Variants in FREM2 observed in about 807,000 individuals in gnomAD.
FREM2 encodes the protein FRAS1-related extracellular matrix protein 2.
FREM2 carries 119 observed loss-of-function variants against 219.9 expected under a neutral mutation model. The ratio of observed to expected loss-of-function variants is 0.54; its 90% confidence interval spans 0.47 to 0.63. FREM2 has a LOEUF of 0.63. Ranked by LOEUF, FREM2 falls within the 30% of genes least tolerant of loss-of-function variation. The probability of loss-of-function intolerance (pLI) is 0.00; values close to 1 mark genes in which losing one functional copy is unlikely to be tolerated. For missense variants in FREM2, 4,030 were observed against 3,993.6 expected (o/e 1.01, Z -0.25); for synonymous variants, 1,562 against 1,522.8 (o/e 1.03, Z -0.60).
chr13:38,690,208 A>G lies in FREM2; in HGVS notation c.2864A>G (p.Asp955Gly). ...ACTGGCACTCTGGAGTCCTATCTAG[A>G]TGTCTTAGAAAATGGGGCTACTGAA... The part of the protein sequence containing the change: ...HPTGTLESYL[D>G]VLENGATEIT... Residue 955 changes from aspartate to glycine, a missense_variant, in exon 1 of 24, where the codon GAT (aspartate) becomes GGT (glycine). Around this residue, in one of 2 missense-constraint regions of FREM2, gnomAD observed 3,102 missense variants for 2,950.7 expected, o/e 1.05. Coordinates refer to ENST00000280481, the MANE Select transcript of FREM2 (RefSeq NM_207361.6). The G allele has an allele frequency of 6.2e-7, 1 of 1,614,116 alleles. No homozygotes were observed. The highest frequency in any genetic ancestry group is 8.5e-7 in the Non-Finnish European group (1 of 1,180,024).
At chr13:38,844,528 C>A (rs1429241846) in intron 6 of FREM2, among the ~76,000 whole-genome samples, 1 of 152,278 alleles carries the variant, frequency 6.6e-6, no homozygotes, top group African/African-American at 2.4e-5. Flanking sequence ...TGCAACACAC[C>A]ATTTGGTCCC....
At chr13:38,853,666 A>G (rs1029649840) in intron 11 of FREM2, among the ~76,000 whole-genome samples, 1 of 152,242 alleles carries the variant, frequency 6.6e-6, no homozygotes, top group Admixed American at 6.5e-5. Flanking sequence ...TTATAATTTG[A>G]TGAACTACTC....
At chr13:38,792,636 GT>G (rs1417097792) in intron 6 of FREM2, among the ~76,000 whole-genome samples, 2 of 152,168 alleles carry the variant, frequency 1.3e-5, no homozygotes, top group East Asian at 3.9e-4. Flanking sequence ...TATTTACAGG[GT>G]TTGGTACTAT....
At chr13:38,771,215 T>G (rs1873648764) in intron 4 of FREM2, among the ~76,000 whole-genome samples, 1 of 152,338 alleles carries the variant, frequency 6.6e-6, no homozygotes, top group Middle Eastern at 3.4e-3. Flanking sequence ...CATTAAAGAA[T>G]AGTTAGCATT....
chr13:38,796,461 G>A (rs925631416), intron 6 of FREM2, among the ~76,000 whole-genome samples: 11 of 152,092 alleles, frequency 7.2e-5, no homozygotes, highest in Non-Finnish European at 1.5e-5. Context: ...AGATAATGGG[G>A]AAGTTCCCCA....
chr13:38,698,284 C>T (rs747802390), intron 2 of FREM2, among the ~76,000 whole-genome samples: 3 of 152,102 alleles, frequency 2.0e-5, no homozygotes, highest in Non-Finnish European at 4.4e-5. Context: ...TTTTATCTCA[C>T]CAATCTCAGG....
chr13:38,731,149 A>G (rs929968812), intron 2 of FREM2, among the ~76,000 whole-genome samples: 1 of 152,156 alleles, frequency 6.6e-6, no homozygotes. Flanking sequence ...TGGCAAGAAA[A>G]CACTTCAGAC....
intron 2 of FREM2, among the ~76,000 whole-genome samples, chr13:38,723,687 T>A (rs1871393330): frequency 6.6e-6 from 1 of 152,228 alleles, no homozygotes; most frequent in African/African-American, 2.4e-5. Context: ...CCCTGAAGCA[T>A]GCATTGTATG....
At chr13:38,751,168 G>A (rs1405589689) in intron 2 of FREM2, among the ~76,000 whole-genome samples, 1 of 150,880 alleles carries the variant, frequency 6.6e-6, no homozygotes, top group Non-Finnish European at 1.5e-5. Context: ...CTCAGAAGTG[G>A]GATTGCTGGA....
At chr13:38,869,251 G>A (rs7324658) in intron 16 of FREM2, among the ~76,000 whole-genome samples, 49,068 of 152,010 alleles carry the variant, frequency 0.32, 8,726 homozygotes, top group East Asian at 0.46. Flanking sequence ...CTCTGTAAGG[G>A]TTTTCTGCCT....
intron 22 of FREM2, 134 bp from the exon 23 acceptor site, chr13:38,878,697 G>A: frequency 1.1e-6 from 1 of 944,394 alleles, no homozygotes; most frequent in African/African-American, 1.6e-5. Flanking sequence ...CCAACAAAAT[G>A]ATCATTTTTA....
rs1206609878 is a variant in FREM2, at chr13:38,871,673, CT to C, written c.7984-1066del. 2.6e-5 allele frequency among the ~76,000 whole-genome samples: 4 copies of C among 152,126 alleles called. No homozygotes were observed. The East Asian group carries it at 5.8e-4, about 22-fold the overall frequency. On this transcript the variant is annotated intron_variant, in intron 16 of 23. Transcript: ENST00000280481. ...TTTTTCCTTTGAGTCTTAATTTTAT[CT>C]TTGTCTCTTTCTATCCGTCATCCAT... is the stretch of plus-strand genomic sequence containing the variant.
At chr13:38,863,463 G>A (rs914459276) in intron 15 of FREM2, among the ~76,000 whole-genome samples, 23 of 152,002 alleles carry the variant, frequency 1.5e-4, no homozygotes, top group Non-Finnish European at 4.4e-5. Context: ...TTAAAACTGA[G>A]GAATTGTTAT....
At chr13:38,877,411 G>A (rs546716177) in intron 21 of FREM2, among the ~76,000 whole-genome samples, 168 bp downstream of exon 21, 1 of 152,124 alleles carries the variant, frequency 6.6e-6, no homozygotes, top group South Asian at 2.1e-4. Flanking sequence ...TTGCGATTGG[G>A]TATATGTAAC....
intron 6 of FREM2, among the ~76,000 whole-genome samples, chr13:38,818,100 C>T (rs1875840697): frequency 6.6e-6 from 1 of 152,120 alleles, no homozygotes; most frequent in South Asian, 2.1e-4. Context: ...TAAGCTAGTA[C>T]AGCCATTATG....
intron 2 of FREM2, among the ~76,000 whole-genome samples, chr13:38,764,017 T>A (rs1240545969): frequency 1.3e-5 from 2 of 152,164 alleles, no homozygotes; most frequent in Admixed American, 6.6e-5. Flanking sequence ...ATATTTAGTT[T>A]TAGGATTAAA....
intron 1 of FREM2, among the ~76,000 whole-genome samples, chr13:38,696,371 G>A (rs975337350): frequency 6.6e-6 from 1 of 152,154 alleles, no homozygotes; most frequent in African/African-American, 2.4e-5. Context: ...CCATCCTAAT[G>A]CCTTGCCTCA....
intron 2 of FREM2, among the ~76,000 whole-genome samples, chr13:38,717,079 C>T (rs1009438857): frequency 1.3e-5 from 2 of 152,132 alleles, no homozygotes; most frequent in African/African-American, 4.8e-5. Context: ...ATTGAGTGAG[C>T]TGTCATGTGA....
At chr13:38,731,070 TTC>T (rs1871748733) in intron 2 of FREM2, among the ~76,000 whole-genome samples, 1 of 152,204 alleles carries the variant, frequency 6.6e-6, no homozygotes. Context: ...ATTGTTCAAT[TTC>T]TGTCTGCCTT....
Sources: gnomAD v4.1 joint callset for allele counts (sites outside exome capture counted in the v4.1 genomes callset) on GRCh38, gnomAD v4.1.1 for gene constraint, gnomAD v4.1.1 regional missense constraint, MANE v1.5 for transcripts, NCBI Gene and HGNC (gene_info 2026-07-23, HGNC 2026-07-21) for gene names.